VPS50: variants seen among roughly 807,000 people sequenced by gnomAD.
VPS50 encodes the protein syndetin.
Under a neutral mutation model 139.7 loss-of-function variants are expected in VPS50, and 70 were observed. The observed-to-expected ratio is 0.50, with a 90% CI of 0.41 to 0.61. The LOEUF is 0.61. VPS50 is among the 20% of genes least tolerant of loss of function. The pLI is 0.00. For missense variants in VPS50, 921 were observed against 1,133.7 expected (o/e 0.81, Z 2.69); for synonymous variants, 365 against 376.7 (o/e 0.97, Z 0.36).
intron 9 of VPS50, among the ~76,000 whole-genome samples, chr7:93,269,469 A>C (rs1463610297): frequency 6.6e-6 from 1 of 152,098 alleles, no homozygotes; most frequent in African/African-American, 2.4e-5. Flanking sequence ...CCAGTCCTCA[A>C]CTTCAGTTCA....
intron 9 of VPS50, among the ~76,000 whole-genome samples, chr7:93,266,213 TTACTG>T (rs1795840098): frequency 6.6e-6 from 1 of 152,200 alleles, no homozygotes. Context: ...TTTTATAACT[TTACTG>T]AACCATGTAC....
intron 12 of VPS50, among the ~76,000 whole-genome samples, chr7:93,282,331 A>G (rs762666327): frequency 6.6e-5 from 10 of 152,104 alleles, no homozygotes; most frequent in Non-Finnish European, 1.0e-4. Flanking sequence ...CTGTTCTTGG[A>G]TATTTATGTT....
intron 12 of VPS50, among the ~76,000 whole-genome samples, chr7:93,279,207 G>A (rs1562865785): frequency 6.6e-6 from 1 of 152,176 alleles, no homozygotes; most frequent in Non-Finnish European, 1.5e-5. Flanking sequence ...GCAGATATGA[G>A]TGCAGAAACC....
At chr7:93,252,847 C>G in intron 3 of VPS50, 72 bp downstream of exon 3, 1 of 1,216,526 alleles carries the variant, frequency 8.2e-7, no homozygotes, top group Non-Finnish European at 1.1e-6. Flanking sequence ...GATTTGAATA[C>G]TTTTTTGAGG....
At chr7:93,251,312 G>T (rs1285095810) in intron 2 of VPS50, among the ~76,000 whole-genome samples, 1 of 152,154 alleles carries the variant, frequency 6.6e-6, no homozygotes, top group Non-Finnish European at 1.5e-5. Context: ...TAAAGAAAAT[G>T]TGGCACATAT....
rs761908588 is a variant in VPS50 at position 93,294,597 on chromosome 7, A to G, written c.1128A>G (p.Ile376Met). Residue 376 changes from isoleucine to methionine, a missense_variant, in exon 14 of 28, where the codon ATA becomes ATG. Ile to Met is a conservative substitution (Grantham distance 10). Transcript: ENST00000305866. ...TEETNFDRGY[I>M]KKKLEHGLTR... ...AAACTAATTTTGATCGTGGCTACAT[A>G]AAAAAGAAATTAGAACATGGACTTA... 8.7e-6 allele frequency: 14 copies of G among 1,600,122 alleles called. No homozygotes were observed. The highest frequency in any genetic ancestry group is 1.1e-5 in the South Asian group (1 of 87,520).
chr7:93,276,110 AATTT>A (rs1231881199), intron 11 of VPS50, 51 bp from the exon 12 acceptor site: 2 of 1,463,022 alleles, frequency 1.4e-6, no homozygotes, highest in African/African-American at 2.8e-5. Context: ...AATTTGTTGA[AATTT>A]ATTTATTTTA....
chr7:93,277,315 T>C (rs2116898117), intron 12 of VPS50, among the ~76,000 whole-genome samples: 1 of 152,290 alleles, frequency 6.6e-6, no homozygotes, highest in South Asian at 2.1e-4. Context: ...GATTTAACCA[T>C]GTGGAGGTAC....
intron 14 of VPS50, 76 bp from the exon 15 acceptor site, chr7:93,296,666 C>T: frequency 6.5e-7 from 1 of 1,538,724 alleles, no homozygotes; most frequent in Non-Finnish European, 8.7e-7. Flanking sequence ...TAATCTGGAA[C>T]TATAGAGTAA....
chr7:93,275,339 A>G (rs1479159981), intron 11 of VPS50, among the ~76,000 whole-genome samples: 2 of 152,160 alleles, frequency 1.3e-5, no homozygotes, highest in African/African-American at 4.8e-5. Flanking sequence ...ACAGAGAAAT[A>G]TTTTGTGAAA....
At position 93,302,841 on chromosome 7, in the gene VPS50, C is replaced by G. The variant is rs896849313; in HGVS notation, c.1362-619C>G. Among the ~76,000 whole-genome samples, 4 of 151,886 alleles carry G rather than the reference C, an allele frequency of 2.6e-5. No individual in the cohort carries two copies. In the East Asian group the frequency reaches 5.8e-4, roughly 22 times the overall value. The stretch of plus-strand genomic sequence containing the variant: ...CTGCCTATATCATGTGCTGATTACT[C>G]AGGATAGACAGTAAGAATAATAGCA... On this transcript the variant is annotated intron_variant, in intron 16 of 27. Transcript: ENST00000305866.
At chr7:93,312,510 A>C (rs567350161) in intron 20 of VPS50, among the ~76,000 whole-genome samples, 2 of 152,294 alleles carry the variant, frequency 1.3e-5, no homozygotes, top group African/African-American at 4.8e-5. Flanking sequence ...CATTAGTAGA[A>C]GTATCTTCCC....
chr7:93,339,720 G>T (rs1000992613), intron 22 of VPS50, among the ~76,000 whole-genome samples: 6 of 152,136 alleles, frequency 3.9e-5, no homozygotes, highest in African/African-American at 1.4e-4. Flanking sequence ...TGCAGGGGTT[G>T]TATTATATAA....
At chr7:93,250,277 T>A (rs756786415) in intron 2 of VPS50, among the ~76,000 whole-genome samples, 15 of 152,190 alleles carry the variant, frequency 9.9e-5, no homozygotes, top group Non-Finnish European at 1.8e-4. Context: ...GGAATAATTT[T>A]ATAGTTAGTT....
At chr7:93,249,259 T>G (rs1795246133) in intron 2 of VPS50, among the ~76,000 whole-genome samples, 1 of 152,114 alleles carries the variant, frequency 6.6e-6, no homozygotes, top group African/African-American at 2.4e-5. Context: ...TTTGGCATTC[T>G]TAATAACTTC....
Position 93,358,431 on chromosome 7 carries a change from A to C in VPS50, c.2890A>C (p.Arg964=), listed in dbSNP as rs1303126489. The change falls in exon 28 of 28, where the codon AGA becomes CGA. Residue 964 remains arginine, a synonymous_variant. Coordinates refer to ENST00000305866, the MANE Select transcript of VPS50 (RefSeq NM_017667.4). ...TATAGATGATATAGACAGACCTAAA[A>C]GATAATGAACACAGCTCTCTTTCCT... ...AAIDDIDRPK[R] 13 of 1,611,136 alleles carry C rather than the reference A, an allele frequency of 8.1e-6. No homozygotes were observed. Among genetic ancestry groups the C allele is most frequent in the African/African-American group, 1.3e-5 (1 of 74,812 alleles).
intron 27 of VPS50, among the ~76,000 whole-genome samples, chr7:93,357,742 C>T (rs1407977486): frequency 6.6e-6 from 1 of 152,116 alleles, no homozygotes; most frequent in Non-Finnish European, 1.5e-5. Context: ...CCTAGCAATT[C>T]AGTATCTAAA....
intron 6 of VPS50, 118 bp downstream of exon 6, chr7:93,257,582 C>T: frequency 1.7e-6 from 1 of 600,976 alleles, no homozygotes; most frequent in South Asian, 2.3e-5. Context: ...GAATATCATT[C>T]CTTAAGTGAA....
At chr7:93,323,221 C>A (rs895261829) in intron 20 of VPS50, 1 of 151,962 alleles carries the variant, frequency 6.6e-6, no homozygotes, top group African/African-American at 2.4e-5. Flanking sequence ...TACACATTTT[C>A]AAAGAAATTA....
Sources: gnomAD v4.1 joint callset for allele counts (sites outside exome capture counted in the v4.1 genomes callset) on GRCh38, gnomAD v4.1.1 for gene constraint, MANE v1.5 for transcripts, NCBI Gene and HGNC (gene_info 2026-07-23, HGNC 2026-07-21) for gene names.